NAP1L4: variants seen among roughly 807,000 people sequenced by gnomAD.
The protein encoded by NAP1L4 is nucleosome assembly protein 1 like 4.
In NAP1L4, 15 loss-of-function variants were observed where a neutral mutation model predicts 58.2. The ratio of observed to expected loss-of-function variants is 0.26; its 90% CI spans 0.17 to 0.40. NAP1L4 has a LOEUF of 0.40. NAP1L4 is among the 10% of genes least tolerant of loss of function. The pLI is 1.00. For missense variants in NAP1L4, 384 were observed against 451.1 expected, an observed-to-expected ratio of 0.85 and a Z score of 1.35; for synonymous variants, 171 against 155.6, an observed-to-expected ratio of 1.10 and a Z score of -0.74.
chr11:2,989,914 T>G (rs1464650036), intron 1 of NAP1L4: 1 of 152,202 alleles, frequency 6.6e-6, no homozygotes, highest in Non-Finnish European at 1.5e-5. Context: ...AAATGGCTAA[T>G]TTGCAAAACA....
chr11:2,982,667 A>C (rs999189786), intron 1 of NAP1L4, among the ~76,000 whole-genome samples: 3 of 152,212 alleles, frequency 2.0e-5, no homozygotes, highest in African/African-American at 7.2e-5. Flanking sequence ...GACTCCTTCT[A>C]ACCTTTCCCT....
rs560610872 is a variant in NAP1L4 at position 2,954,708 on chromosome 11, C to T, written c.916-62G>A. ...TGGGATAAAAACATTCACTTCACCA[C>T]CCTCAGCCAAACCTCAGCCCCTCAC... On this transcript the variant is annotated intron_variant, in intron 11 of 15. Transcript: ENST00000380542. The surrounding 1 kb of genome is among the most constrained non-coding windows in gnomAD (Gnocchi z 4.8). 18 of 1,606,568 alleles carry T rather than the reference C, an allele frequency of 1.1e-5. No homozygotes were observed. Among genetic ancestry groups the T allele is most frequent in the Middle Eastern group, 1.7e-4 (1 of 6,048 alleles).
At chr11:2,961,494 C>A (rs1846902524) in intron 8 of NAP1L4, among the ~76,000 whole-genome samples, 1 of 132,854 alleles carries the variant, frequency 7.5e-6, no homozygotes, top group Non-Finnish European at 1.6e-5. Context: ...CCCAACCCTC[C>A]ACGGCTTAAA....
rs1466751795 is a variant in NAP1L4 at position 2,948,800 on chromosome 11, G to A, written c.*32+427C>T. Among the ~76,000 whole-genome samples, 4 of 152,152 alleles carry A rather than the reference G, an allele frequency of 2.6e-5. No individual in the cohort carries two copies. The highest frequency in any genetic ancestry group is 4.4e-5 in the Non-Finnish European group (3 of 68,042). ...AAAAGTATAGATATTCAACAGACAC[G>A]TGTTGGTAATGACAGTGGGCCAATT... On this transcript the variant is annotated intron_variant, in intron 15 of 15. Transcript: ENST00000380542. The surrounding 1 kb of genome is among the most constrained non-coding windows in gnomAD (Gnocchi z 5.1).
chr11:2,952,135 G>T (rs950864112), intron 12 of NAP1L4: 2 of 397,870 alleles, frequency 5.0e-6, no homozygotes, highest in South Asian at 4.4e-5. Context: ...CACAGGAAAA[G>T]ATTTTTGTAA....
Position 2,978,333 on chromosome 11 carries a change from A to G in NAP1L4, c.24T>C (p.Asp8=). The part of the protein sequence containing the change: MADHSFS[D]GVPSDSVEAA... ...CTTCCACGGAATCTGAAGGAACCCCATCTGAAAAACTAAAACAACAGTATG... is the reference window on the plus strand; with the variant it reads ...CTTCCACGGAATCTGAAGGAACCCCGTCTGAAAAACTAAAACAACAGTATG... The change falls in exon 3 of 16, where the codon GAT becomes GAC. Residue 8 remains aspartate (D), a synonymous_variant. Transcript: ENST00000380542. 6.2e-7 allele frequency: 1 copy of G among 1,613,928 alleles called. No individual in the cohort carries two copies. The highest frequency in any genetic ancestry group is 8.5e-7 in the Non-Finnish European group (1 of 1,179,872).
intron 15 of NAP1L4, among the ~76,000 whole-genome samples, chr11:2,947,467 C>T (rs899343603): frequency 5.9e-5 from 9 of 152,178 alleles, no homozygotes; most frequent in South Asian, 2.1e-4. Context: ...GGCACAGCCC[C>T]CTCTGGGAAG....
At chr11:2,956,064 A>G (rs1846522330) in intron 10 of NAP1L4, among the ~76,000 whole-genome samples, 1 of 152,218 alleles carries the variant, frequency 6.6e-6, no homozygotes, top group African/African-American at 2.4e-5. Flanking sequence ...TATTAACAGG[A>G]GGAATGGCAA....
intron 4 of NAP1L4, among the ~76,000 whole-genome samples, chr11:2,975,755 A>G (rs1478541715): frequency 1.3e-5 from 2 of 151,810 alleles, no homozygotes; most frequent in Non-Finnish European, 2.9e-5. Flanking sequence ...AACTCAGATG[A>G]TCTGTGAAGT....
chr11:2,971,595 T>A lies in NAP1L4; in HGVS notation c.316-61A>T. 1 of 1,285,152 alleles carries A rather than the reference T, an allele frequency of 7.8e-7. No homozygotes were observed. The highest frequency in any genetic ancestry group is 1.1e-6 in the Non-Finnish European group (1 of 908,314). 79.6% of individuals were successfully genotyped at this position (1,285,152 alleles called of 1,614,324 possible). A position where few individuals can be genotyped will look rare whatever the true frequency, so the allele number is the denominator to read the frequency against. Reference sequence around the variant, plus strand: ...TTAGCTTACTTAGGAACTCAAGAGTTAAATTTATAAATAATGTCTACTAAA... The same window carrying A: ...TTAGCTTACTTAGGAACTCAAGAGTAAAATTTATAAATAATGTCTACTAAA... On this transcript the variant is annotated intron_variant, in intron 5 of 15. Coordinates refer to ENST00000380542, the MANE Select transcript of NAP1L4 (RefSeq NM_005969.4). The surrounding 1 kb of genome is among the most constrained non-coding windows in gnomAD (Gnocchi z 4.2).
At chr11:2,957,087 A>C (rs771231559) in intron 10 of NAP1L4, among the ~76,000 whole-genome samples, 1 of 152,070 alleles carries the variant, frequency 6.6e-6, no homozygotes, top group Non-Finnish European at 1.5e-5. Flanking sequence ...AAAAAAAAAA[A>C]CACTTAAAAA....
intron 3 of NAP1L4, among the ~76,000 whole-genome samples, chr11:2,977,851 T>A (rs1200374048): frequency 3.0e-5 from 4 of 134,338 alleles, no homozygotes; most frequent in Non-Finnish European, 1.5e-5. Flanking sequence ...GGAAGGAAAG[T>A]AAAGGGTATA....
intron 7 of NAP1L4, among the ~76,000 whole-genome samples, chr11:2,967,663 C>T (rs959541008): frequency 1.3e-5 from 2 of 150,860 alleles, no homozygotes; most frequent in Non-Finnish European, 3.0e-5. Flanking sequence ...ATAGAATATG[C>T]TACCATTACC....
At chr11:2,950,069 C>T (rs1007573447) in intron 14 of NAP1L4, among the ~76,000 whole-genome samples, 6 of 152,244 alleles carry the variant, frequency 3.9e-5, no homozygotes, top group African/African-American at 1.4e-4. Flanking sequence ...ATTCACCCAA[C>T]GTTGTTCACT....
At chr11:2,958,892 G>C (rs187746973) in intron 9 of NAP1L4, 33 of 261,896 alleles carry the variant, frequency 1.3e-4, no homozygotes, top group African/African-American at 7.4e-4. Context: ...AAGGAAGGAG[G>C]AGTTGCTGCT....
chr11:2,961,807 C>T (rs1054925257), intron 8 of NAP1L4, among the ~76,000 whole-genome samples: 2 of 152,212 alleles, frequency 1.3e-5, no homozygotes, highest in Admixed American at 6.5e-5. Context: ...GCTGGGATTA[C>T]AGGCATGAGC....
At chr11:2,958,141 G>C (rs907241258) in intron 10 of NAP1L4, 1 of 651,698 alleles carries the variant, frequency 1.5e-6, no homozygotes, top group African/African-American at 1.8e-5. Flanking sequence ...TTTTGCCTGG[G>C]CTACAGCCAA....
In NAP1L4 at chr11:2,948,982, A is replaced by T. The variant is rs1385570057; in HGVS notation, c.*32+245T>A. On this transcript the variant is annotated intron_variant, in intron 15 of 15. Transcript: ENST00000380542. The surrounding 1 kb of genome is among the most constrained non-coding windows in gnomAD (Gnocchi z 5.1). ...GGAAAGCAGTACCATCAGCAATGAA[A>T]ATTACACCCAAGTTACATCTTTGCT... Among the ~76,000 whole-genome samples, 1 of 152,192 alleles carries T rather than the reference A, an allele frequency of 6.6e-6. No homozygotes were observed. Among genetic ancestry groups the T allele is most frequent in the Non-Finnish European group, 1.5e-5 (1 of 68,038 alleles).
At chr11:2,953,400 A>G (rs2237904) in intron 12 of NAP1L4, among the ~76,000 whole-genome samples, 35,032 of 152,214 alleles carry the variant, frequency 0.23, 4,213 homozygotes, top group South Asian at 0.34. Context: ...AAGGTAAATG[A>G]AATGTTCAGT....
Sources: gnomAD v4.1 joint callset for allele counts (sites outside exome capture counted in the v4.1 genomes callset) on GRCh38, gnomAD v4.1.1 for gene constraint, Gnocchi (gnomAD v3.1) non-coding constraint, MANE v1.5 for transcripts, NCBI Gene and HGNC (gene_info 2026-07-23, HGNC 2026-07-21) for gene names.